LPP: variants seen among roughly 807,000 people sequenced by gnomAD.
LPP encodes LIM domain containing preferred translocation partner in lipoma, also known as lipoma-preferred partner.
LPP carries 38 observed loss-of-function variants against 60.4 expected under a neutral mutation model. The observed-to-expected ratio is 0.63, with a 90% CI of 0.49 to 0.83. The LOEUF is 0.83. LPP is among the 40% of genes least tolerant of loss of function. LPP has a pLI of 0.00. For synonymous variants in LPP, 328 were observed against 290.8 expected (o/e 1.13, Z -1.30); for missense variants, 902 against 783.6 (o/e 1.15, Z -1.80).
intron 9 of LPP, among the ~76,000 whole-genome samples, chr3:188,767,350 C>A (rs1402998502): frequency 3.9e-5 from 6 of 152,060 alleles, no homozygotes; most frequent in Non-Finnish European, 7.4e-5. Context: ...TGAAGAATAG[C>A]CCTGAGCTTT....
intron 7 of LPP, among the ~76,000 whole-genome samples, chr3:188,631,577 T>G (rs1384447019): frequency 6.6e-6 from 1 of 152,216 alleles, no homozygotes; most frequent in East Asian, 1.9e-4. Context: ...TGTATACTTT[T>G]ACACATCTGA....
intron 9 of LPP, among the ~76,000 whole-genome samples, chr3:188,793,645 G>T (rs1560212197): frequency 6.6e-6 from 1 of 152,188 alleles, no homozygotes; most frequent in East Asian, 1.9e-4. Flanking sequence ...GGGTATCCAG[G>T]CCTTCTTGGA....
chr3:188,881,484 T>C lies in LPP; in HGVS notation c.*7005T>C, dbSNP rs907355170. The C allele has an allele frequency of 4.7e-6, 1 of 211,734 alleles. No individual in the cohort carries two copies. Among genetic ancestry groups the C allele is most frequent in the African/African-American group, 2.3e-5 (1 of 44,236 alleles). 13.1% of individuals were successfully genotyped at this position (211,734 alleles called of 1,614,324 possible). ...GCAGTTCACCATGAGTCAGGCTAGG[T>C]TGAAAGGCTTTCTTTAGGGTTGAAA... On this transcript the variant is annotated 3_prime_UTR_variant, in exon 12 of 12. Transcript: ENST00000617246.
intron 10 of LPP, among the ~76,000 whole-genome samples, chr3:188,867,053 A>G (rs529796911): frequency 3.9e-4 from 59 of 152,210 alleles, no homozygotes; most frequent in African/African-American, 1.4e-3. Context: ...GAGGATTAAA[A>G]AATGGTGCCT....
intron 2 of LPP, among the ~76,000 whole-genome samples, chr3:188,250,768 T>TTCTTTC (rs1728987625): frequency 3.5e-5 from 4 of 114,962 alleles, no homozygotes; most frequent in Non-Finnish European, 7.0e-5. Context: ...CTTTCTTTCT[T>TTCTTTC]TCTTTCTTTC....
intron 9 of LPP, among the ~76,000 whole-genome samples, chr3:188,817,704 G>T (rs1021614532): frequency 6.6e-6 from 1 of 152,066 alleles, no homozygotes; most frequent in African/African-American, 2.4e-5. Context: ...ACTTTGAAAT[G>T]GTTTTAACGT....
chr3:188,831,867 TA>T (rs879818482), intron 9 of LPP, among the ~76,000 whole-genome samples: 1 of 151,378 alleles, frequency 6.6e-6, no homozygotes, highest in Non-Finnish European at 1.5e-5. Context: ...CTGAGTATGC[TA>T]TACCACCTCC....
chr3:188,796,753 T>C (rs1258977768), intron 9 of LPP, among the ~76,000 whole-genome samples: 2 of 152,224 alleles, frequency 1.3e-5, no homozygotes, highest in Non-Finnish European at 2.9e-5. Flanking sequence ...ATATTTCTTC[T>C]GCTAGCCAAT....
At chr3:188,338,901 C>A (rs1050771436) in intron 2 of LPP, among the ~76,000 whole-genome samples, 1 of 152,078 alleles carries the variant, frequency 6.6e-6, no homozygotes, top group East Asian at 1.9e-4. Context: ...CAAAGGACAC[C>A]ATGGTTTGTG....
chr3:188,385,675 G>T (rs1437866025), intron 3 of LPP, among the ~76,000 whole-genome samples: 1 of 152,130 alleles, frequency 6.6e-6, no homozygotes, highest in African/African-American at 2.4e-5. Flanking sequence ...AAATATTTGA[G>T]ACTCTTTACC....
At chr3:188,865,683 GTT>G (rs5855229) in intron 9 of LPP, among the ~76,000 whole-genome samples, 5 of 150,284 alleles carry the variant, frequency 3.3e-5, no homozygotes, top group African/African-American at 1.2e-4. Flanking sequence ...CCCATTGTCT[GTT>G]TTTTTTTTGT....
intron 9 of LPP, among the ~76,000 whole-genome samples, chr3:188,778,617 A>G (rs538162414): frequency 6.6e-6 from 1 of 152,242 alleles, no homozygotes; most frequent in African/African-American, 2.4e-5. Context: ...TGTACGTAGT[A>G]AATAGGGAGG....
intron 8 of LPP, chr3:188,712,932 T>C (rs1416845227): frequency 2.6e-5 from 4 of 152,194 alleles, no homozygotes; most frequent in Non-Finnish European, 5.9e-5. Flanking sequence ...TTATTATAGT[T>C]CTTGTTTCTT....
chr3:188,733,343 C>A (rs1247901730), intron 8 of LPP, among the ~76,000 whole-genome samples: 9 of 151,642 alleles, frequency 5.9e-5, no homozygotes, highest in Admixed American at 5.9e-4. Flanking sequence ...TACATGTACA[C>A]GCTAGTATGC....
At chr3:188,484,447 T>G (rs1805726152) in intron 4 of LPP, 145 bp from the exon 5 acceptor site, 3 of 596,518 alleles carry the variant, frequency 5.0e-6, no homozygotes, top group Non-Finnish European at 6.0e-6. Context: ...GGCTACTAAT[T>G]AAACTAAGAT....
At chr3:188,398,460 T>C (rs1781480316) in intron 3 of LPP, among the ~76,000 whole-genome samples, 1 of 152,264 alleles carries the variant, frequency 6.6e-6, no homozygotes, top group Non-Finnish European at 1.5e-5. Context: ...TGTAGCGTTG[T>C]TCTCTCGTTA....
intron 3 of LPP, among the ~76,000 whole-genome samples, chr3:188,359,163 T>C (rs1311726965): frequency 6.6e-6 from 1 of 152,188 alleles, no homozygotes; most frequent in African/African-American, 2.4e-5. Flanking sequence ...TGAACACAGG[T>C]CATCTCAGAG....
intron 2 of LPP, among the ~76,000 whole-genome samples, chr3:188,278,975 T>G (rs1560192983): frequency 6.6e-6 from 1 of 152,234 alleles, no homozygotes; most frequent in Non-Finnish European, 1.5e-5. Flanking sequence ...CTGTTCTTGT[T>G]TTTAATAGCC....
intron 1 of LPP, among the ~76,000 whole-genome samples, chr3:188,199,994 G>A (rs532598123): frequency 2.9e-4 from 44 of 152,138 alleles, no homozygotes; most frequent in Non-Finnish European, 5.0e-4. Flanking sequence ...GAGCCACCGC[G>A]CCTGGCCCTA....
Sources: gnomAD v4.1 joint callset for allele counts (sites outside exome capture counted in the v4.1 genomes callset) on GRCh38, gnomAD v4.1.1 for gene constraint, MANE v1.5 for transcripts, NCBI Gene and HGNC (gene_info 2026-07-23, HGNC 2026-07-21) for gene names.